MINDY3: variants seen among roughly 807,000 people sequenced by gnomAD.
MINDY3 encodes MINDY lysine 48 deubiquitinase 3.
A neutral mutation model predicts 69.2 loss-of-function variants in MINDY3; 38 were observed. The observed-to-expected ratio is 0.55, with a 90% CI of 0.42 to 0.72. The LOEUF (loss-of-function observed/expected upper bound fraction) is 0.72. MINDY3 is among the 30% of genes least tolerant of loss of function. MINDY3 has a pLI of 0.00. For missense variants in MINDY3, 522 were observed against 519.0 expected (o/e 1.01, Z -0.06); for synonymous variants, 192 against 180.1 (o/e 1.07, Z -0.53).
At chr10:15,780,975 T>C (rs2131815317) in intron 14 of MINDY3, among the ~76,000 whole-genome samples, 1 of 152,214 alleles carries the variant, frequency 6.6e-6, no homozygotes. Flanking sequence ...ATCTGTAAAA[T>C]ATGGATAATA....
chr10:15,804,316 G>A (rs550202743), intron 10 of MINDY3, among the ~76,000 whole-genome samples: 2 of 151,994 alleles, frequency 1.3e-5, no homozygotes, highest in South Asian at 4.2e-4. Context: ...TCCTTTTCAC[G>A]TAGCTCTGTA....
At chr10:15,856,809 T>A (rs1834722715) in intron 1 of MINDY3, among the ~76,000 whole-genome samples, 1 of 152,204 alleles carries the variant, frequency 6.6e-6, no homozygotes, top group Non-Finnish European at 1.5e-5. Flanking sequence ...TAGGTCTAGC[T>A]GATTCTTATT....
chr10:15,779,451 G>A (rs775134750), intron 14 of MINDY3, among the ~76,000 whole-genome samples: 3 of 152,054 alleles, frequency 2.0e-5, no homozygotes, highest in African/African-American at 4.8e-5. Flanking sequence ...TATACCATCG[G>A]AAAGAAATGC....
intron 4 of MINDY3, among the ~76,000 whole-genome samples, chr10:15,840,021 C>T (rs907234399): frequency 6.6e-6 from 1 of 151,626 alleles, no homozygotes; most frequent in Non-Finnish European, 1.5e-5. Context: ...AGTATGCACT[C>T]AGTATACTGT....
chr10:15,828,398 G>T (rs181627539), intron 8 of MINDY3, among the ~76,000 whole-genome samples: 7 of 152,132 alleles, frequency 4.6e-5, no homozygotes, highest in African/African-American at 1.4e-4. Context: ...GTAGATGAGC[G>T]GATGCTAGGG....
At chr10:15,810,234 A>G (rs1838905254) in intron 10 of MINDY3, among the ~76,000 whole-genome samples, 1 of 152,158 alleles carries the variant, frequency 6.6e-6, no homozygotes, top group African/African-American at 2.4e-5. Context: ...GTGCCCTTTA[A>G]AAAAATTATA....
chr10:15,842,536 T>C (rs1320448351), intron 3 of MINDY3, among the ~76,000 whole-genome samples: 1 of 151,924 alleles, frequency 6.6e-6, no homozygotes. Context: ...CCTTAACTCT[T>C]AAATTCAAAA....
intron 14 of MINDY3, among the ~76,000 whole-genome samples, 194 bp downstream of exon 14, chr10:15,781,961 A>G (rs1836569224): frequency 6.6e-6 from 1 of 152,110 alleles, no homozygotes; most frequent in Non-Finnish European, 1.5e-5. Flanking sequence ...CTGAAGTCCA[A>G]TGTCAGTTTC....
At chr10:15,834,854 A>G (rs1832969324) in intron 6 of MINDY3, among the ~76,000 whole-genome samples, 1 of 152,086 alleles carries the variant, frequency 6.6e-6, no homozygotes, top group Non-Finnish European at 1.5e-5. Flanking sequence ...TGAAATATGT[A>G]CCGTTGGTTA....
At chr10:15,801,015 T>C (rs1338014624) in intron 10 of MINDY3, among the ~76,000 whole-genome samples, 1 of 152,192 alleles carries the variant, frequency 6.6e-6, no homozygotes, top group East Asian at 1.9e-4. Flanking sequence ...TTGATAATTT[T>C]AGAAACTGGT....
chr10:15,837,912 C>T, intron 5 of MINDY3: 2 of 925,590 alleles, frequency 2.2e-6, no homozygotes, highest in South Asian at 1.0e-4. Context: ...TAATATTTAT[C>T]CTACTAGAAA....
At chr10:15,815,275 A>G (rs1001480720) in intron 10 of MINDY3, among the ~76,000 whole-genome samples, 2 of 152,214 alleles carry the variant, frequency 1.3e-5, no homozygotes, top group African/African-American at 4.8e-5. Flanking sequence ...AACTAAATGC[A>G]ATGTATCAGT....
chr10:15,803,444 C>T (rs1180310166), intron 10 of MINDY3, among the ~76,000 whole-genome samples: 1 of 152,018 alleles, frequency 6.6e-6, no homozygotes, highest in African/African-American at 2.4e-5. Context: ...AGACAAAACA[C>T]TTCAGAGGTA....
At chr10:15,786,731 A>G (rs1264466610) in intron 12 of MINDY3, 83 bp from the exon 13 acceptor site, 10 of 806,254 alleles carry the variant, frequency 1.2e-5, no homozygotes, top group East Asian at 2.5e-5. Flanking sequence ...TACTGGTACT[A>G]CAACACATTC....
At chr10:15,843,368 C>T in intron 2 of MINDY3, 96 bp from the exon 3 acceptor site, 2 of 969,758 alleles carry the variant, frequency 2.1e-6, no homozygotes, top group East Asian at 2.4e-5. Context: ...TGTGTACTCC[C>T]TTTCTAATCT....
intron 8 of MINDY3, among the ~76,000 whole-genome samples, chr10:15,823,535 TGTTA>T (rs1588593661): frequency 6.6e-6 from 1 of 152,186 alleles, no homozygotes; most frequent in East Asian, 1.9e-4. Context: ...TTATTAAAAA[TGTTA>T]TTTATGTTAA....
In MINDY3 at chr10:15,834,559, C is replaced by T. The variant is rs779830550; in HGVS notation, c.634G>A (p.Val212Ile). The T allele has an allele frequency of 1.4e-5, 23 of 1,611,330 alleles. No homozygotes were observed. The highest frequency in any genetic ancestry group is 1.8e-5 in the Non-Finnish European group (21 of 1,178,118). The change falls in exon 7 of 15, where the codon GTA becomes ATA. Residue 212 changes from valine to isoleucine, a missense_variant. Transcript: ENST00000277632. ...GTTAATTACCTGCCATGTCCATATACAGGATCTATCAAGGGTTCACTTGCA... is the reference window on the plus strand; with the variant it reads ...GTTAATTACCTGCCATGTCCATATATAGGATCTATCAAGGGTTCACTTGCA... ...EDASEPLIDP[V>I]YGHGSQSLIN...
intron 8 of MINDY3, 79 bp from the exon 9 acceptor site, chr10:15,821,805 T>C: frequency 9.1e-7 from 1 of 1,100,240 alleles, no homozygotes; most frequent in Middle Eastern, 2.1e-4. Context: ...CGTACTTATA[T>C]GTATATATAT....
At chr10:15,805,477 A>G (rs1406128055) in intron 10 of MINDY3, among the ~76,000 whole-genome samples, 1 of 152,182 alleles carries the variant, frequency 6.6e-6, no homozygotes, top group Non-Finnish European at 1.5e-5. Flanking sequence ...GACTCTTTGT[A>G]TCACTGGAAT....
Sources: allele counts gnomAD v4.1 joint callset (sites outside exome capture counted in the v4.1 genomes callset), GRCh38; gene constraint gnomAD v4.1.1; transcripts MANE v1.5; gene names NCBI Gene and HGNC (gene_info 2026-07-23, HGNC 2026-07-21).